The following DYNC1I2 variants were observed in gnomAD, a reference collection of about 807,000 sequenced individuals.
The protein encoded by DYNC1I2 is dynein cytoplasmic 1 intermediate chain 2.
DYNC1I2 carries 53 observed loss-of-function variants against 88.6 expected under a neutral mutation model. That is an observed-to-expected ratio of 0.60 (90% CI 0.48 to 0.75). The LOEUF is 0.75. Among genes scored for constraint, DYNC1I2 ranks in the 30% least tolerant of loss-of-function variants. The pLI is 0.00. For missense variants in DYNC1I2, 458 were observed against 766.6 expected, an observed-to-expected ratio of 0.60 and a Z score of 4.75; for synonymous variants, 198 against 254.6, an observed-to-expected ratio of 0.78 and a Z score of 2.12.
At chr2:171,706,009 G>T (rs1042134461) in intron 3 of DYNC1I2, among the ~76,000 whole-genome samples, 8 of 151,860 alleles carry the variant, frequency 5.3e-5, no homozygotes, top group Admixed American at 5.2e-4. Flanking sequence ...TTTAAGATGT[G>T]AGCCATCATA....
rs1685053768 is a variant in DYNC1I2, at chr2:171,687,495, C to T, written c.-142C>T. On this transcript the variant is annotated 5_prime_UTR_variant, in exon 1 of 18. Coordinates refer to ENST00000397119, the MANE Select transcript of DYNC1I2 (RefSeq NM_001378.3). ...TTCTCGATCGTGTCAGTTTGTAAGG[C>T]GAGGGCGGAAGTTGGATTCCTGGCC... 1 of 152,140 alleles carries T rather than the reference C, an allele frequency of 6.6e-6. No homozygotes were observed. Among genetic ancestry groups the T allele is most frequent in the Non-Finnish European group, 1.5e-5 (1 of 68,058 alleles). The allele number at this position is 152,140 out of a possible 1,614,324, so 9.4% of individuals were successfully genotyped here. A position where few individuals can be genotyped will look rare whatever the true frequency, so the allele number is the denominator to read the frequency against.
At chr2:171,688,260 C>A (rs555094443) in intron 1 of DYNC1I2, 3 of 152,272 alleles carry the variant, frequency 2.0e-5, no homozygotes, top group African/African-American at 7.2e-5. Context: ...GATGGAAAGC[C>A]CCCGAACACG....
chr2:171,703,304 T>C (rs1048872680), intron 3 of DYNC1I2, among the ~76,000 whole-genome samples: 1 of 152,190 alleles, frequency 6.6e-6, no homozygotes, highest in East Asian at 1.9e-4. Context: ...GGTGCAACCA[T>C]GGCTCACTGC....
At chr2:171,716,086 G>A (rs1687472282) in intron 7 of DYNC1I2, among the ~76,000 whole-genome samples, 1 of 151,886 alleles carries the variant, frequency 6.6e-6, no homozygotes, top group African/African-American at 2.4e-5. Context: ...CATTTTCCCA[G>A]TGAGGCTAAT....
At chr2:171,715,164 T>G (rs1687400350) in intron 6 of DYNC1I2, among the ~76,000 whole-genome samples, 164 bp from the exon 7 acceptor site, 1 of 152,214 alleles carries the variant, frequency 6.6e-6, no homozygotes, top group Admixed American at 6.5e-5. Context: ...TACCTTCTCA[T>G]TCTTTTGCTA....
chr2:171,717,160 T>G (rs1468777454), intron 7 of DYNC1I2, among the ~76,000 whole-genome samples: 2 of 88,222 alleles, frequency 2.3e-5, no homozygotes, highest in Non-Finnish European at 5.1e-5. Flanking sequence ...TTTTTTTTTT[T>G]GAGATGGAGT....
chr2:171,715,021 G>A (rs1170031465), intron 6 of DYNC1I2, among the ~76,000 whole-genome samples: 3 of 152,040 alleles, frequency 2.0e-5, no homozygotes, highest in Admixed American at 6.6e-5. Flanking sequence ...ACCTTATTCA[G>A]TGGTCCACTC....
chr2:171,733,195 A>G (rs1335037808), intron 15 of DYNC1I2, among the ~76,000 whole-genome samples: 2 of 152,148 alleles, frequency 1.3e-5, no homozygotes, highest in Non-Finnish European at 2.9e-5. Flanking sequence ...ATGGCTTCGT[A>G]GTATTCTGTG....
At chr2:171,701,626 G>C (rs975663034) in intron 3 of DYNC1I2, among the ~76,000 whole-genome samples, 1 of 152,116 alleles carries the variant, frequency 6.6e-6, no homozygotes, top group African/African-American at 2.4e-5. Flanking sequence ...TAGTTAAGTA[G>C]CTACTTTTTA....
chr2:171,711,943 T>C (rs1687152586), intron 5 of DYNC1I2, among the ~76,000 whole-genome samples: 1 of 152,222 alleles, frequency 6.6e-6, no homozygotes, highest in African/African-American at 2.4e-5. Context: ...TGCTAACCTA[T>C]ATAAATGCCA....
intron 15 of DYNC1I2, among the ~76,000 whole-genome samples, chr2:171,732,857 C>A (rs1402969283): frequency 1.3e-5 from 2 of 151,962 alleles, no homozygotes; most frequent in African/African-American, 4.8e-5. Flanking sequence ...TGAAAGTAAT[C>A]TTTTTTTTAA....
intron 15 of DYNC1I2, among the ~76,000 whole-genome samples, chr2:171,740,141 C>T (rs1250749295): frequency 2.6e-5 from 4 of 152,038 alleles, no homozygotes; most frequent in East Asian, 3.9e-4. Flanking sequence ...TTCTCAGTCT[C>T]GATTTTGCAT....
chr2:171,724,933 G>GTA (rs1283049389), intron 7 of DYNC1I2, among the ~76,000 whole-genome samples: 2 of 152,164 alleles, frequency 1.3e-5, no homozygotes, highest in Non-Finnish European at 2.9e-5. Flanking sequence ...TTATCCCAAT[G>GTA]TATACTTTTA....
chr2:171,693,293 A>G (rs1685527163), intron 3 of DYNC1I2, among the ~76,000 whole-genome samples: 1 of 152,228 alleles, frequency 6.6e-6, no homozygotes, highest in African/African-American at 2.4e-5. Context: ...AATGCAAAAT[A>G]TATTAGTATT....
chr2:171,719,053 T>C (rs905788839), intron 7 of DYNC1I2, among the ~76,000 whole-genome samples: 1 of 152,206 alleles, frequency 6.6e-6, no homozygotes, highest in Non-Finnish European at 1.5e-5. Context: ...TTAGTTAATA[T>C]TGTCTAGCAC....
rs760230790 is a variant in DYNC1I2 at position 171,725,987 on chromosome 2, T to C, written c.676T>C (p.Phe226Leu). The change falls in exon 9 of 18, where the codon TTT becomes CTT. Residue 226 changes from phenylalanine (F) to leucine (L), a missense_variant. This residue lies in a region of DYNC1I2 where 203 missense variants were observed against 354.2 expected (regional missense o/e 0.57). Transcript: ENST00000397119. The stretch of plus-strand genomic sequence containing the variant: ...GCACTCTGAGGAATTTTTAAGTTTC[T>C]TTGACCATTCTACAAGAATTGTAGA... ...ILHSEEFLSF[F>L]DHSTRIVERA... 9.4e-6 allele frequency: 15 copies of C among 1,600,110 alleles called. No homozygotes were observed. The East Asian group carries it at 3.1e-4, about 33-fold the overall frequency.
chr2:171,733,459 C>CTTTTTTTTTTT lies in DYNC1I2; in HGVS notation c.1536+3626_1536+3636dup, dbSNP rs61079902. Among the ~76,000 whole-genome samples, 27 of 55,772 alleles carry CTTTTTTTTTTT rather than the reference C, an allele frequency of 4.8e-4. 6 individuals are homozygous for CTTTTTTTTTTT. Among genetic ancestry groups the CTTTTTTTTTTT allele is most frequent in the South Asian group, 9.6e-4 (1 of 1,044 alleles). The allele number at this position is 55,772 out of a possible 152,430, so 36.6% of individuals were successfully genotyped here. On this transcript the variant is annotated intron_variant, in intron 15 of 17. Transcript: ENST00000397119. ...TTTTTCTCCACAACCTTGCCAGCATCTTTTTTTTTTTTTTTTTTTTTTTTT... is the reference window on the plus strand; with the variant it reads ...TTTTTCTCCACAACCTTGCCAGCATCTTTTTTTTTTTTTTTTTTTTTTTTTTTTTTTTTTTT...
chr2:171,720,247 C>T lies in DYNC1I2; in HGVS notation c.511+4804C>T, dbSNP rs149633554. 3.0e-3 allele frequency among the ~76,000 whole-genome samples: 460 copies of T among 152,264 alleles called. 1 individual carries two copies. Among genetic ancestry groups the T allele is most frequent in the African/African-American group, 0.01 (426 of 41,550 alleles). ...GTACCATTTTTCTTATTCCATTCCA[C>T]TTTCTTATCTGTGAAGGAGTTTATA... On this transcript the variant is annotated intron_variant, in intron 7 of 17. Coordinates refer to ENST00000397119, the MANE Select transcript of DYNC1I2 (RefSeq NM_001378.3).
At chr2:171,712,926 C>A in intron 6 of DYNC1I2, 100 bp downstream of exon 6, 2 of 988,064 alleles carry the variant, frequency 2.0e-6, no homozygotes, top group Non-Finnish European at 3.2e-6. Flanking sequence ...TATTGTATCA[C>A]GTAGTAAGGA....
Sources: gnomAD v4.1 joint callset for allele counts (sites outside exome capture counted in the v4.1 genomes callset) on GRCh38, gnomAD v4.1.1 for gene constraint, gnomAD v4.1.1 regional missense constraint, MANE v1.5 for transcripts, NCBI Gene and HGNC (gene_info 2026-07-23, HGNC 2026-07-21) for gene names.